PPIG: variants seen among roughly 807,000 people sequenced by gnomAD.
PPIG encodes the protein peptidyl-prolyl cis-trans isomerase G.
PPIG carries 26 observed loss-of-function variants against 87.9 expected under a neutral mutation model. That is an observed-to-expected ratio of 0.30 (90% CI 0.22 to 0.41). PPIG has a LOEUF of 0.41. Ranked by LOEUF, PPIG falls within the 10% of genes least tolerant of loss-of-function variation. PPIG has a pLI of 1.00. For missense variants in PPIG, 722 were observed against 879.4 expected, an observed-to-expected ratio of 0.82 and a Z score of 2.26; for synonymous variants, 308 against 276.5, an observed-to-expected ratio of 1.11 and a Z score of -1.13.
intron 1 of PPIG, among the ~76,000 whole-genome samples, chr2:169,592,185 C>A (rs1208000915): frequency 6.6e-6 from 1 of 150,568 alleles, no homozygotes; most frequent in Non-Finnish European, 1.5e-5. Flanking sequence ...TTAATTTTCC[C>A]CTGAATCATG....
In PPIG at chr2:169,636,842, T is replaced by C. The variant is rs774472320; in HGVS notation, c.1584T>C (p.Asn528=). Residue 528 remains asparagine (N), a synonymous_variant, in exon 14 of 14, where the codon AAT becomes AAC. Coordinates refer to ENST00000260970, the MANE Select transcript of PPIG (RefSeq NM_004792.3). ...CTAAACAGTTAGAATCAAAGAGTAA[T>C]GAGCATGATCACAGTAAAAGTAAGG... is the stretch of plus-strand genomic sequence containing the variant. The part of the protein sequence containing the change: ...EKSKQLESKS[N]EHDHSKSKEK... 1.4e-5 allele frequency: 22 copies of C among 1,613,478 alleles called. No individual in the cohort carries two copies. In the African/African-American group the frequency reaches 2.4e-4, roughly 18 times the overall value.
At position 169,614,666 on chromosome 2, in the gene PPIG, C is replaced by T; in HGVS notation, c.489C>T (p.Ser163=). ...AAAACCAGAAAACAGATGCAGCTAG[C>T]AAACCGTTTGCGGAGGTACGGATAC... ...EIENQKTDAA[S]KPFAEVRILS... Residue 163 remains serine (S), a synonymous_variant, in exon 9 of 14, where the codon AGC becomes AGT. Transcript: ENST00000260970. 1 of 1,612,610 alleles carries T rather than the reference C, an allele frequency of 6.2e-7. No individual in the cohort carries two copies. Among genetic ancestry groups the T allele is most frequent in the Non-Finnish European group, 8.5e-7 (1 of 1,179,850 alleles).
intron 1 of PPIG, among the ~76,000 whole-genome samples, chr2:169,600,532 C>G (rs1685151542): frequency 6.6e-6 from 1 of 152,138 alleles, no homozygotes; most frequent in Admixed American, 6.5e-5. Context: ...ATCCAAAATG[C>G]TCCAATGAGC....
At chr2:169,631,962 A>G (rs1473463906) in intron 11 of PPIG, 29 bp downstream of exon 11, 7 of 1,524,868 alleles carry the variant, frequency 4.6e-6, no homozygotes, top group Admixed American at 4.0e-5. Context: ...TTTGCCTTAC[A>G]TGGTTTACCA....
intron 9 of PPIG, among the ~76,000 whole-genome samples, chr2:169,624,308 T>A (rs191804110): frequency 6.6e-6 from 1 of 152,300 alleles, no homozygotes; most frequent in Non-Finnish European, 1.5e-5. Context: ...GACTAATTGA[T>A]AAGGTTACAT....
chr2:169,629,477 G>T (rs903729141), intron 9 of PPIG, among the ~76,000 whole-genome samples: 2 of 152,192 alleles, frequency 1.3e-5, no homozygotes, highest in Non-Finnish European at 2.9e-5. Flanking sequence ...AATTGGTCTT[G>T]TAAGTTGTGT....
rs1400379808 is a variant in PPIG, at chr2:169,636,992, A to G, written c.1734A>G (p.Arg578=). ...SRDRSRRVRS[R]THDRDRSRSK... Reference sequence around the variant, plus strand: ...ACAGAAGCAGAAGAGTGCGATCAAGAACCCATGACAGAGATCGCAGCAGAA... The same window carrying G: ...ACAGAAGCAGAAGAGTGCGATCAAGGACCCATGACAGAGATCGCAGCAGAA... Residue 578 remains arginine, a synonymous_variant, in exon 14 of 14, where the codon AGA becomes AGG. Coordinates refer to ENST00000260970, the MANE Select transcript of PPIG (RefSeq NM_004792.3). 2 of 1,613,976 alleles carry G rather than the reference A, an allele frequency of 1.2e-6. No homozygotes were observed. The highest frequency in any genetic ancestry group is 8.5e-7 in the Non-Finnish European group (1 of 1,179,972).
rs1288636294 is a variant in PPIG, at chr2:169,611,090, C to A, written c.377+2332C>A. Among the ~76,000 whole-genome samples, 8 of 152,260 alleles carry A rather than the reference C, an allele frequency of 5.3e-5. No individual in the cohort carries two copies. The East Asian group carries it at 1.5e-3, about 29-fold the overall frequency. On this transcript the variant is annotated intron_variant, in intron 7 of 13. Coordinates refer to ENST00000260970, the MANE Select transcript of PPIG (RefSeq NM_004792.3). ...GGGTGTGCTTGCGGGCGCATGTAAT[C>A]CCAGCCACTCGGGAGGCTGAGGCAG... is the stretch of plus-strand genomic sequence containing the variant.
In PPIG at chr2:169,608,744, T is replaced by A. The variant is rs1322330235; in HGVS notation, c.363T>A (p.Gly121=). 6 of 1,596,524 alleles carry A rather than the reference T, an allele frequency of 3.8e-6. No individual in the cohort carries two copies. The African/African-American group carries it at 8.1e-5, about 21-fold the overall frequency. ...SMANRGKDTN[G]SQFFITTKPT... ...CCAACAGAGGGAAGGATACAAATGG[T>A]TCACAGTTCTTCATGTAAGTATTTA... Residue 121 remains glycine, a synonymous_variant, in exon 7 of 14, where the codon GGT becomes GGA. Transcript: ENST00000260970.
chr2:169,595,965 C>T (rs1236588119), intron 1 of PPIG, among the ~76,000 whole-genome samples: 10 of 151,902 alleles, frequency 6.6e-5, no homozygotes, highest in South Asian at 6.3e-4. Flanking sequence ...CCACTACGCC[C>T]GGCTAATTTT....
intron 1 of PPIG, among the ~76,000 whole-genome samples, chr2:169,595,905 G>A (rs952899419): frequency 1.4e-5 from 2 of 147,740 alleles, no homozygotes; most frequent in Non-Finnish European, 3.0e-5. Context: ...CCGGGTTCAA[G>A]CGATTCTCCT....
chr2:169,634,731 CT>C, intron 12 of PPIG, among the ~76,000 whole-genome samples: 1 of 151,336 alleles, frequency 6.6e-6, no homozygotes, highest in Non-Finnish European at 1.5e-5. Context: ...TCACCGAATA[CT>C]GTCATTTCTG....
intron 9 of PPIG, 34 bp downstream of exon 9, chr2:169,614,758 A>G: frequency 6.4e-7 from 1 of 1,566,702 alleles, no homozygotes; most frequent in Non-Finnish European, 8.6e-7. Flanking sequence ...GAGAATACTT[A>G]CACATACAAA....
At chr2:169,589,386 T>C (rs1684798585) in intron 1 of PPIG, among the ~76,000 whole-genome samples, 1 of 152,194 alleles carries the variant, frequency 6.6e-6, no homozygotes, top group Admixed American at 6.5e-5. Flanking sequence ...TATACTCAAA[T>C]GTTTTTGATG....
rs1558902196 is a variant in PPIG at position 169,633,197 on chromosome 2, C to T, written c.967C>T (p.Arg323Ter). ...PNSQPASYQRRLLVTRSGRKI... is the reference protein window; with the variant it reads ...PNSQPASYQR ...CTCCCAGCCTGCTTCATACCAGAGA[C>T]GACTTTTAGTTACTAGATCTGGCAG... The change falls in exon 12 of 14, where the codon CGA (arginine) becomes TGA (stop). Residue 323 changes from arginine to a stop codon, truncating the protein, a stop_gained. Transcript: ENST00000260970. LOFTEE classifies it high-confidence loss of function. 6.2e-7 allele frequency: 1 copy of T among 1,611,010 alleles called. No homozygotes were observed. The highest frequency in any genetic ancestry group is 8.5e-7 in the Non-Finnish European group (1 of 1,178,030).
intron 9 of PPIG, among the ~76,000 whole-genome samples, chr2:169,627,631 A>G (rs1685926035): frequency 7.0e-6 from 1 of 143,464 alleles, no homozygotes; most frequent in African/African-American, 2.6e-5. Flanking sequence ...GGCTTAAGTG[A>G]TTCTCCCTGC....
rs1282572128 is a variant in PPIG at position 169,639,100 on chromosome 2, A to G, written c.*1577A>G. 3.3e-5 allele frequency: 5 copies of G among 152,038 alleles called. No homozygotes were observed. The East Asian group carries it at 9.6e-4, about 29-fold the overall frequency. 9.4% of individuals were successfully genotyped at this position (152,038 alleles called of 1,614,324 possible). ...TTGTGGTAGCTGTTGCAGAATGAAT[A>G]GTGTAATGACCATAAGATTGCTTGG... is the stretch of plus-strand genomic sequence containing the variant. On this transcript the variant is annotated 3_prime_UTR_variant, in exon 14 of 14. Transcript: ENST00000260970.
chr2:169,592,938 G>A (rs983929030), intron 1 of PPIG, among the ~76,000 whole-genome samples: 12 of 151,936 alleles, frequency 7.9e-5, no homozygotes, highest in African/African-American at 2.9e-4. Flanking sequence ...CATATTCAAG[G>A]GATTTGTGTA....
At chr2:169,609,146 C>G (rs1685418699) in intron 7 of PPIG, among the ~76,000 whole-genome samples, 1 of 150,548 alleles carries the variant, frequency 6.6e-6, no homozygotes, top group African/African-American at 2.4e-5. Flanking sequence ...CCATTGATTA[C>G]TAATAAATAG....
Sources: gnomAD v4.1 joint callset for allele counts (sites outside exome capture counted in the v4.1 genomes callset) on GRCh38, gnomAD v4.1.1 for gene constraint, MANE v1.5 for transcripts, NCBI Gene and HGNC (gene_info 2026-07-23, HGNC 2026-07-21) for gene names.